HPGD: variants seen among roughly 807,000 people sequenced by gnomAD.
HPGD encodes the protein 15-hydroxyprostaglandin dehydrogenase.
Under a neutral mutation model 30.0 loss-of-function variants are expected in HPGD, and 29 were observed. The observed-to-expected ratio is 0.97, with a 90% CI of 0.72 to 1.32. The LOEUF is 1.32. Ranked by LOEUF, HPGD falls within the 40% of genes most tolerant of loss-of-function variation. The pLI, the probability that HPGD is intolerant of heterozygous loss-of-function variation, is 0.00. For missense variants in HPGD, 340 were observed against 322.1 expected (o/e 1.06, Z -0.43); for synonymous variants, 99 against 112.4 (o/e 0.88, Z 0.75).
At position 174,508,720 on chromosome 4, in the gene HPGD, T is replaced by C. The variant is rs1399243238; in HGVS notation, c.397A>G (p.Ile133Val). The change falls in exon 4 of 7, where the codon ATT (isoleucine) becomes GTT (valine). Residue 133 changes from isoleucine to valine, a missense_variant. By Grantham distance (29) the Ile-to-Val change is conservative (BLOSUM62 3). Coordinates refer to ENST00000296522, the MANE Select transcript of HPGD (RefSeq NM_000860.6). Reference sequence around the variant, plus strand: ...CCTGCTAAAGATGACATATTGATAATGATGCCGCCTTCACCTCCATTTTGC... The same window carrying C: ...CCTGCTAAAGATGACATATTGATAACGATGCCGCCTTCACCTCCATTTTGC... Reference protein sequence around the residue: ...SKQNGGEGGIIINMSSLAGLM... With the variant: ...SKQNGGEGGIVINMSSLAGLM... 20 of 1,607,142 alleles carry C rather than the reference T, an allele frequency of 1.2e-5. No individual in the cohort carries two copies. The highest frequency in any genetic ancestry group is 1.7e-5 in the Non-Finnish European group (20 of 1,173,964).
At chr4:174,508,199 T>C in intron 4 of HPGD, 1 of 672,946 alleles carries the variant, frequency 1.5e-6, no homozygotes, top group African/African-American at 1.9e-5. Context: ...ACAAGGATCT[T>C]GCCTCAGACT....
At chr4:174,502,641 G>T (rs12642566) in intron 4 of HPGD, among the ~76,000 whole-genome samples, 1 of 131,830 alleles carries the variant, frequency 7.6e-6, no homozygotes, top group South Asian at 2.3e-4. Context: ...TTGCGCCACC[G>T]CACTCCAGCC....
intron 4 of HPGD, among the ~76,000 whole-genome samples, chr4:174,502,105 A>C (rs1734931730): frequency 6.6e-6 from 1 of 152,214 alleles, no homozygotes; most frequent in South Asian, 2.1e-4. Flanking sequence ...CTAAAAAAGC[A>C]GGAATCTAAA....
chr4:174,512,850 T>G (rs183153404), intron 3 of HPGD, among the ~76,000 whole-genome samples: 59 of 152,276 alleles, frequency 3.9e-4, no homozygotes, highest in Middle Eastern at 3.4e-3. Flanking sequence ...GCCTGTTAGT[T>G]ATAACTAAAG....
At chr4:174,497,357 T>C (rs1353921498) in intron 4 of HPGD, among the ~76,000 whole-genome samples, 1 of 152,120 alleles carries the variant, frequency 6.6e-6, no homozygotes, top group South Asian at 2.1e-4. Flanking sequence ...AATATACTGC[T>C]TTGTGGGTTC....
chr4:174,517,996 C>T lies in HPGD; in HGVS notation c.299G>A (p.Trp100Ter). 6.3e-7 allele frequency: 1 copy of T among 1,590,966 alleles called. No homozygotes were observed. The highest frequency in any genetic ancestry group is 8.6e-7 in the Non-Finnish European group (1 of 1,159,352). The change falls in exon 3 of 7, where the codon TGG becomes TAG. Residue 100 changes from tryptophan (W) to a stop codon, truncating the protein, a stop_gained. Transcript: ENST00000296522. LOFTEE classifies it high-confidence loss of function. Reference sequence around the variant, plus strand: ...CAAATTAATTTGCAGAGTTTTTTCCCAGTTTTTCTCATTATTCACTCCAGC... The same window carrying T: ...CAAATTAATTTGCAGAGTTTTTTCCTAGTTTTTCTCATTATTCACTCCAGC... Reference protein sequence around the residue: ...NNAGVNNEKNWEKTLQINLVS... With the variant: ...NNAGVNNEKN
At chr4:174,515,239 G>C (rs1735709796) in intron 3 of HPGD, among the ~76,000 whole-genome samples, 1 of 152,122 alleles carries the variant, frequency 6.6e-6, no homozygotes, top group South Asian at 2.1e-4. Flanking sequence ...CAAAGCTGGA[G>C]GCATCACACT....
rs1357951421 is a variant in HPGD, at chr4:174,515,481, C to A, written c.324+2490G>T. 2.0e-5 allele frequency among the ~76,000 whole-genome samples: 3 copies of A among 151,754 alleles called. No individual in the cohort carries two copies. The East Asian group carries it at 5.8e-4, about 29-fold the overall frequency. On this transcript the variant is annotated intron_variant, in intron 3 of 6. Transcript: ENST00000296522. ...CATATGCAGAAGATTGAAACTGGAC[C>A]CCTTCCTTACACCATATGTAAAACC...
At chr4:174,509,811 T>G (rs756671719) in intron 3 of HPGD, among the ~76,000 whole-genome samples, 2 of 152,142 alleles carry the variant, frequency 1.3e-5, no homozygotes, top group African/African-American at 4.8e-5. Flanking sequence ...ATAACTAAAT[T>G]TTATTAATCA....
rs149783651 is a variant in HPGD, at chr4:174,519,487, T to G, written c.218-1410A>C. Among the ~76,000 whole-genome samples the G allele has an allele frequency of 2.0e-3, 299 of 152,284 alleles. 2 individuals carry two copies. The highest frequency in any genetic ancestry group is 6.8e-3 in the African/African-American group (283 of 41,562). On this transcript the variant is annotated intron_variant, in intron 2 of 6. Transcript: ENST00000296522. ...CATTATATCCCCTGTGACCTGCACA[T>G]ATACATCCACATGGCCTGAAGTAAC... is the stretch of plus-strand genomic sequence containing the variant.
Position 174,522,089 on chromosome 4 carries a change from T to A in HPGD, c.94-22A>T, listed in dbSNP as rs1736166182. The stretch of plus-strand genomic sequence containing the variant: ...CTACCTATAGACAAGAGGAGAGGAA[T>A]CGCGGGCCTGCGCAGCTCACGAAAT... On this transcript the variant is annotated intron_variant, in intron 1 of 6. Transcript: ENST00000296522. 5.0e-6 allele frequency: 8 copies of A among 1,613,990 alleles called. No homozygotes were observed. The South Asian group carries it at 8.8e-5, about 18-fold the overall frequency.
Position 174,522,350 on chromosome 4 carries a change from CGGGCTTACCTT to C in HPGD, c.91_93+8del. On this transcript the variant is annotated splice_donor_variant and splice_donor_5th_base_variant and coding_sequence_variant and intron_variant, in exon 1 of 7. Coordinates refer to ENST00000296522, the MANE Select transcript of HPGD (RefSeq NM_000860.6). LOFTEE classifies it high-confidence loss of function. The stretch of plus-strand genomic sequence containing the variant: ...CAGAGAAATTTCCGCGGCTGGGCGC[CGGGCTTACCTT>C]GGCGCCCTTAAGCAGCAGCGCCTCT... 1 of 1,556,270 alleles carries C rather than the reference CGGGCTTACCTT, an allele frequency of 6.4e-7. No individual in the cohort carries two copies. The highest frequency in any genetic ancestry group is 8.7e-7 in the Non-Finnish European group (1 of 1,149,850).
rs142173308 is a variant in HPGD at position 174,518,075 on chromosome 4, T to C, written c.220A>G (p.Thr74Ala). ...DVADQQQLRD[T>A]FRKVVDHFGR... ...AAGTGGTCTACAACTTTTCTAAAAG[T>C]GTCTAATTATAAAACAAGATATTAG... Residue 74 changes from threonine (T) to alanine (A), a missense_variant and splice_region_variant, in exon 3 of 7, where the codon ACT (threonine) becomes GCT (alanine). Thr to Ala is a moderately conservative substitution (Grantham distance 58). Coordinates refer to ENST00000296522, the MANE Select transcript of HPGD (RefSeq NM_000860.6). 3.2e-5 allele frequency: 47 copies of C among 1,467,294 alleles called. No individual in the cohort carries two copies. In the African/African-American group the frequency reaches 4.0e-4, roughly 13 times the overall value. 90.9% of individuals were successfully genotyped at this position (1,467,294 alleles called of 1,614,324 possible). A position where few individuals can be genotyped will look rare whatever the true frequency, so the allele number is the denominator to read the frequency against.
chr4:174,495,975 T>G, intron 4 of HPGD: 1 of 262,306 alleles, frequency 3.8e-6, no homozygotes. Flanking sequence ...CCACCTAAGT[T>G]TCCATTTTTA....
chr4:174,497,568 C>CTTTCTTT (rs1360019053), intron 4 of HPGD, among the ~76,000 whole-genome samples: 1,594 of 50,710 alleles, frequency 0.031, 292 homozygotes, highest in East Asian at 0.053. Context: ...CTTTTTCTTT[C>CTTTCTTT]TTTTTTTTTT....
At chr4:174,506,143 A>T (rs1357685521) in intron 4 of HPGD, among the ~76,000 whole-genome samples, 4 of 152,194 alleles carry the variant, frequency 2.6e-5, no homozygotes, top group African/African-American at 9.7e-5. Flanking sequence ...GCTCCTAGCC[A>T]ACAAAGCAAA....
In HPGD at chr4:174,522,365, G is replaced by A; in HGVS notation, c.87C>T (p.Gly29=). The change falls in exon 1 of 7, where the codon GGC becomes GGT. Residue 29 remains glycine (G), a synonymous_variant. Coordinates refer to ENST00000296522, the MANE Select transcript of HPGD (RefSeq NM_000860.6). ...RAFAEALLLK[G]AKVALVDWNL... Reference sequence around the variant, plus strand: ...GGCTGGGCGCCGGGCTTACCTTGGCGCCCTTAAGCAGCAGCGCCTCTGCAA... The same window carrying A: ...GGCTGGGCGCCGGGCTTACCTTGGCACCCTTAAGCAGCAGCGCCTCTGCAA... 6.4e-7 allele frequency: 1 copy of A among 1,564,220 alleles called. No individual in the cohort carries two copies. Among genetic ancestry groups the A allele is most frequent in the African/African-American group, 1.4e-5 (1 of 73,890 alleles).
intron 4 of HPGD, among the ~76,000 whole-genome samples, chr4:174,502,920 G>C (rs1340532875): frequency 6.6e-6 from 1 of 151,998 alleles, no homozygotes; most frequent in Non-Finnish European, 1.5e-5. Context: ...TTCAAGGAGC[G>C]GTATCACCTG....
At chr4:174,495,417 A>G in intron 5 of HPGD, 131 bp downstream of exon 5, 3 of 713,208 alleles carry the variant, frequency 4.2e-6, no homozygotes, top group Non-Finnish European at 7.6e-6. Context: ...ACTTTTTATA[A>G]TTGAGATGGA....
Sources: allele counts gnomAD v4.1 joint callset (sites outside exome capture counted in the v4.1 genomes callset), GRCh38; gene constraint gnomAD v4.1.1; transcripts MANE v1.5; gene names NCBI Gene and HGNC (gene_info 2026-07-23, HGNC 2026-07-21).